Variants in SPMAP2L observed in about 807,000 individuals in gnomAD.
The protein encoded by SPMAP2L is sperm microtubule associated protein 2-like.
the SPMAP2L span, among the ~76,000 whole-genome samples, chr4:56,533,571 T>C: frequency 6.6e-6 from 1 of 152,148 alleles, no homozygotes; most frequent in Non-Finnish European, 1.5e-5. Flanking sequence ...CTAACTTCTT[T>C]AAGCTCTTTG....
chr4:56,585,491 C>G, the SPMAP2L span, among the ~76,000 whole-genome samples: 1,040 of 152,236 alleles, frequency 6.8e-3, 14 homozygotes, highest in African/African-American at 0.024. Context: ...CTACAGGTGT[C>G]TGCCACCACA....
chr4:56,598,598 T>A, the SPMAP2L span, among the ~76,000 whole-genome samples: 1 of 142,468 alleles, frequency 7.0e-6, no homozygotes, highest in South Asian at 2.1e-4. Flanking sequence ...AAGGGAAGTT[T>A]TTTTTTCAAG....
chr4:56,618,851 G>A, the SPMAP2L span, among the ~76,000 whole-genome samples: 1 of 152,176 alleles, frequency 6.6e-6, no homozygotes, highest in African/African-American at 2.4e-5. Flanking sequence ...TTGAAAAATT[G>A]AATCATTTGA....
At chr4:56,602,820 A>C in the SPMAP2L span, among the ~76,000 whole-genome samples, 4 of 152,192 alleles carry the variant, frequency 2.6e-5, no homozygotes, top group Non-Finnish European at 5.9e-5. Flanking sequence ...CAACTTCAAA[A>C]ATTTTATTTT....
chr4:56,553,951 A>C, the SPMAP2L span, among the ~76,000 whole-genome samples: 2 of 150,758 alleles, frequency 1.3e-5, no homozygotes, highest in African/African-American at 4.9e-5. Context: ...GTAATCTCTC[A>C]GATTGGCTTC....
chr4:56,555,281 TA>T, the SPMAP2L span, among the ~76,000 whole-genome samples: 2 of 152,184 alleles, frequency 1.3e-5, no homozygotes, highest in African/African-American at 4.8e-5. Flanking sequence ...ATACTTTGGC[TA>T]TATTTGTGTG....
At chr4:56,594,960 G>A in the SPMAP2L span, 17 of 1,610,782 alleles carry the variant, frequency 1.1e-5, 1 homozygote, top group African/African-American at 1.2e-4. Flanking sequence ...CCTGGCATGG[G>A]GCCCATTGGC....
At chr4:56,588,109 T>C in the SPMAP2L span, among the ~76,000 whole-genome samples, 2 of 152,246 alleles carry the variant, frequency 1.3e-5, no homozygotes, top group Non-Finnish European at 2.9e-5. Flanking sequence ...TGGCCATTTG[T>C]ATATCTTCTT....
At chr4:56,615,616 C>T in the SPMAP2L span, among the ~76,000 whole-genome samples, 1,244 of 152,156 alleles carry the variant, frequency 8.2e-3, 17 homozygotes, top group African/African-American at 0.029. Flanking sequence ...GGCATGGTGG[C>T]GAGTGCCCGT....
At chr4:56,562,444 A>C in the SPMAP2L span, among the ~76,000 whole-genome samples, 2 of 151,702 alleles carry the variant, frequency 1.3e-5, no homozygotes, top group East Asian at 3.9e-4. Context: ...CTCCTTTAAA[A>C]TGTGTTCCCC....
chr4:56,609,250 C>T, the SPMAP2L span, among the ~76,000 whole-genome samples: 1 of 151,922 alleles, frequency 6.6e-6, no homozygotes, highest in South Asian at 2.1e-4. Flanking sequence ...ACCATGTTGG[C>T]CAGACTGGTC....
At chr4:56,615,859 G>C in the SPMAP2L span, among the ~76,000 whole-genome samples, 9 of 152,148 alleles carry the variant, frequency 5.9e-5, no homozygotes, top group Admixed American at 2.6e-4. Flanking sequence ...AAATCTCAAG[G>C]TGAGGCTCAT....
the SPMAP2L span, chr4:56,593,856 G>T: frequency 6.2e-7 from 1 of 1,611,514 alleles, no homozygotes; most frequent in East Asian, 2.2e-5. Flanking sequence ...ATCTACCATG[G>T]TTCCCATGGG....
At chr4:56,548,961 G>A in the SPMAP2L span, 1 of 442,100 alleles carries the variant, frequency 2.3e-6, no homozygotes, top group Non-Finnish European at 3.8e-6. Context: ...TTGTCATAAG[G>A]TCCTTTTCTT....
the SPMAP2L span, among the ~76,000 whole-genome samples, chr4:56,581,180 C>G: frequency 5.3e-4 from 81 of 152,138 alleles, no homozygotes; most frequent in African/African-American, 1.8e-3. Context: ...TTAGGCCAGG[C>G]ATGGTGGCTT....
At chr4:56,594,944 G>T in the SPMAP2L span, 2 of 1,612,030 alleles carry the variant, frequency 1.2e-6, no homozygotes, top group Admixed American at 3.3e-5. Flanking sequence ...CCACAGAGGA[G>T]GTGGTCCTGG....
At chr4:56,532,033 C>G in the SPMAP2L span, among the ~76,000 whole-genome samples, 1 of 152,192 alleles carries the variant, frequency 6.6e-6, no homozygotes, top group African/African-American at 2.4e-5. Flanking sequence ...TCCTACACCT[C>G]AGCAGTTGAC....
At chr4:56,624,138 C>T in the SPMAP2L span, among the ~76,000 whole-genome samples, 5 of 152,136 alleles carry the variant, frequency 3.3e-5, no homozygotes, top group East Asian at 1.9e-4. Flanking sequence ...GGAGCAAAGG[C>T]GACTCTTGTT....
the SPMAP2L span, chr4:56,548,693 T>C: frequency 1.2e-6 from 1 of 815,144 alleles, no homozygotes; most frequent in South Asian, 3.0e-5. Flanking sequence ...AAATATTTTT[T>C]TCTAACTCCT....
Sources: allele counts gnomAD v4.1 joint callset (sites outside exome capture counted in the v4.1 genomes callset), GRCh38; gene constraint gnomAD v4.1.1; transcripts MANE v1.5; gene names NCBI Gene and HGNC (gene_info 2026-07-23, HGNC 2026-07-21).